The following OSBP2 variants were observed in gnomAD, a reference collection of about 807,000 sequenced individuals.
OSBP2 encodes oxysterol binding protein 2.
A neutral mutation model predicts 96.0 loss-of-function variants in OSBP2; 66 were observed. The observed-to-expected ratio is 0.69, with a 90% CI of 0.56 to 0.84. The LOEUF is 0.84. Ranked by LOEUF, OSBP2 falls within the 40% of genes least tolerant of loss-of-function variation. The pLI, the probability that OSBP2 is intolerant of heterozygous loss-of-function variation, is 0.00. For synonymous variants in OSBP2, 525 were observed against 520.9 expected (o/e 1.01, Z -0.11); for missense variants, 1,038 against 1,222.7 (o/e 0.85, Z 2.25).
chr22:30,839,982 C>T (rs2038714217), intron 2 of OSBP2, among the ~76,000 whole-genome samples: 1 of 150,184 alleles, frequency 6.7e-6, no homozygotes, highest in African/African-American at 2.4e-5. Context: ...TTAGGTCTAA[C>T]GTTTAAGTCT....
At chr22:30,797,981 C>T (rs1470683550) in intron 2 of OSBP2, among the ~76,000 whole-genome samples, 3 of 152,170 alleles carry the variant, frequency 2.0e-5, no homozygotes, top group African/African-American at 7.2e-5. Flanking sequence ...TAATAATAAT[C>T]CTATTTTTAA....
At chr22:30,769,601 A>G (rs1272539730) in intron 2 of OSBP2, among the ~76,000 whole-genome samples, 1 of 152,180 alleles carries the variant, frequency 6.6e-6, no homozygotes, top group African/African-American at 2.4e-5. Context: ...GTGAGCGGAG[A>G]TTGCGCCACT....
At chr22:30,855,075 G>A (rs1057387548) in intron 2 of OSBP2, among the ~76,000 whole-genome samples, 7 of 152,176 alleles carry the variant, frequency 4.6e-5, no homozygotes, top group African/African-American at 7.2e-5. Context: ...CCCCTCCCAC[G>A]ACATGTGGGG....
At chr22:30,750,038 G>T (rs1225719397) in intron 2 of OSBP2, among the ~76,000 whole-genome samples, 1 of 152,232 alleles carries the variant, frequency 6.6e-6, no homozygotes, top group African/African-American at 2.4e-5. Context: ...GTCAGAGCCA[G>T]AGGGCTGGGC....
intron 2 of OSBP2, among the ~76,000 whole-genome samples, chr22:30,849,911 A>G (rs191117879): frequency 2.0e-5 from 3 of 152,308 alleles, no homozygotes; most frequent in Admixed American, 2.0e-4. Flanking sequence ...ATAGTTGTCA[A>G]GGTTACTTTT....
chr22:30,779,012 GGCA>G (rs2090476356), intron 2 of OSBP2, among the ~76,000 whole-genome samples: 1 of 150,442 alleles, frequency 6.6e-6, no homozygotes, highest in Admixed American at 6.6e-5. Context: ...CTCCAGCCTT[GGCA>G]ACAGAAGGAG....
intron 2 of OSBP2, among the ~76,000 whole-genome samples, chr22:30,859,423 T>TAAA (rs2039160693): frequency 6.6e-6 from 1 of 152,246 alleles, no homozygotes; most frequent in Admixed American, 6.5e-5. Flanking sequence ...TCCCCCTCAC[T>TAAA]GGTCAGGGAT....
intron 3 of OSBP2, among the ~76,000 whole-genome samples, chr22:30,877,341 C>T (rs754174395): frequency 6.6e-5 from 10 of 152,126 alleles, no homozygotes; most frequent in East Asian, 1.9e-4. Flanking sequence ...AGAGAAACCC[C>T]GTAGGACTAT....
chr22:30,783,514 G>T (rs2090548413), intron 2 of OSBP2, among the ~76,000 whole-genome samples: 4 of 151,586 alleles, frequency 2.6e-5, no homozygotes, highest in Admixed American at 6.6e-5. Context: ...TTGAGACGGG[G>T]TTTCACCATG....
At position 30,894,017 on chromosome 22, in the gene OSBP2, A is replaced by G; in HGVS notation, c.2375+16A>G. ...ACCCGCTGCCGTGAGTAGGGCTGGCAGGGGCCCCGCCACAGGCAAAGGAGA... is the reference window on the plus strand; with the variant it reads ...ACCCGCTGCCGTGAGTAGGGCTGGCGGGGGCCCCGCCACAGGCAAAGGAGA... On this transcript the variant is annotated intron_variant, in intron 12 of 13. Coordinates refer to ENST00000332585, the MANE Select transcript of OSBP2 (RefSeq NM_030758.4). The G allele has an allele frequency of 1.9e-6, 3 of 1,575,578 alleles. No homozygotes were observed. The highest frequency in any genetic ancestry group is 1.7e-6 in the Non-Finnish European group (2 of 1,161,804).
intron 2 of OSBP2, among the ~76,000 whole-genome samples, chr22:30,865,225 C>G (rs1379485065): frequency 6.6e-6 from 1 of 152,146 alleles, no homozygotes; most frequent in Non-Finnish European, 1.5e-5. Flanking sequence ...CCAGAGCCAC[C>G]TATTACAGGG....
Position 30,694,908 on chromosome 22 carries a change from C to CTA in OSBP2, c.1_2dup. ...TCGGCCGCGCGCGGGTCGGCCGGCT[C>CTA]TATGGGGAAAGCGGCGGCTCCGAGC... On this transcript the variant is annotated 5_prime_UTR_variant, in exon 1 of 14. Transcript: ENST00000332585. 1.4e-6 allele frequency: 2 copies of CTA among 1,396,544 alleles called. No individual in the cohort carries two copies. The highest frequency in any genetic ancestry group is 1.9e-6 in the Non-Finnish European group (2 of 1,075,626). 86.5% of individuals were successfully genotyped at this position (1,396,544 alleles called of 1,614,324 possible).
Position 30,737,270 on chromosome 22 carries a change from C to T in OSBP2, c.645-3891C>T, listed in dbSNP as rs1322492856. On this transcript the variant is annotated intron_variant, in intron 1 of 13. Transcript: ENST00000332585. Reference sequence around the variant, plus strand: ...ACTTCAGGTGATCCTGCAGCCTCGGCGTCCCAAAGTGCTGGGATTACAGGC... The same window carrying T: ...ACTTCAGGTGATCCTGCAGCCTCGGTGTCCCAAAGTGCTGGGATTACAGGC... Among the ~76,000 whole-genome samples the T allele has an allele frequency of 3.3e-5, 5 of 151,086 alleles. No homozygotes were observed. The East Asian group carries it at 7.8e-4, about 24-fold the overall frequency.
chr22:30,858,309 G>A (rs534309642), intron 2 of OSBP2, among the ~76,000 whole-genome samples: 1 of 150,746 alleles, frequency 6.6e-6, no homozygotes, highest in Non-Finnish European at 1.5e-5. Context: ...ACCGCGCCCG[G>A]CTAATTTTTT....
intron 2 of OSBP2, among the ~76,000 whole-genome samples, chr22:30,775,921 C>T (rs1191902661): frequency 2.0e-5 from 3 of 151,432 alleles, no homozygotes; most frequent in Admixed American, 6.6e-5. Flanking sequence ...CTCAGCCTCC[C>T]GAGTAGTGGG....
intron 2 of OSBP2, among the ~76,000 whole-genome samples, chr22:30,825,356 C>T (rs1050063315): frequency 1.3e-5 from 2 of 152,078 alleles, no homozygotes; most frequent in East Asian, 1.9e-4. Flanking sequence ...AGCATGGTGG[C>T]GTATGCCTGT....
At chr22:30,786,769 C>A (rs2090595937) in intron 2 of OSBP2, among the ~76,000 whole-genome samples, 1 of 151,760 alleles carries the variant, frequency 6.6e-6, no homozygotes, top group African/African-American at 2.4e-5. Context: ...GCTGGAGAGA[C>A]TAGCAGGGCA....
chr22:30,711,278 C>T (rs2089343406), intron 1 of OSBP2, among the ~76,000 whole-genome samples: 1 of 150,918 alleles, frequency 6.6e-6, no homozygotes, highest in Non-Finnish European at 1.5e-5. Flanking sequence ...TTGTTTTATA[C>T]AGAACTAGGA....
chr22:30,719,893 CA>C lies in OSBP2; in HGVS notation c.645-21263del, dbSNP rs538729155. On this transcript the variant is annotated intron_variant, in intron 1 of 13. Transcript: ENST00000332585. ...AACAACAAGGGAACAACAACAACAA[CA>C]AAAAGTGCCATCAAGCCAACCATCT... 1.3e-3 allele frequency among the ~76,000 whole-genome samples: 192 copies of C among 152,128 alleles called. 1 individual carries two copies. Among genetic ancestry groups the C allele is most frequent in the Non-Finnish European group, 2.1e-3 (144 of 67,988 alleles).
Sources: allele counts gnomAD v4.1 joint callset (sites outside exome capture counted in the v4.1 genomes callset), GRCh38; gene constraint gnomAD v4.1.1; transcripts MANE v1.5; gene names NCBI Gene and HGNC (gene_info 2026-07-23, HGNC 2026-07-21).